ADK: variants seen among roughly 807,000 people sequenced by gnomAD.
The protein encoded by ADK is N6,N6-dimethyladenosine kinase.
ADK carries 24 observed loss-of-function variants against 44.7 expected under a neutral mutation model. That is an observed-to-expected ratio of 0.54 (90% CI 0.39 to 0.76). ADK has a LOEUF of 0.76. Among genes scored for constraint, ADK ranks in the 30% least tolerant of loss-of-function variants. ADK has a pLI of 0.00. For synonymous variants in ADK, 128 were observed against 142.6 expected (o/e 0.90, Z 0.73); for missense variants, 321 against 425.1 (o/e 0.76, Z 2.15).
At chr10:74,410,378 G>A (rs188590512) in intron 6 of ADK, among the ~76,000 whole-genome samples, 1 of 151,974 alleles carries the variant, frequency 6.6e-6, no homozygotes, top group South Asian at 2.1e-4. Flanking sequence ...TTTAAAAAAG[G>A]TAAGTATTAT....
intron 4 of ADK, among the ~76,000 whole-genome samples, chr10:74,341,779 T>G (rs991454039): frequency 1.3e-5 from 2 of 152,160 alleles, no homozygotes; most frequent in African/African-American, 4.8e-5. Flanking sequence ...AAAATTGTCT[T>G]GACAATTCAT....
chr10:74,209,082 C>T (rs563621783), intron 2 of ADK, among the ~76,000 whole-genome samples: 15 of 152,226 alleles, frequency 9.9e-5, no homozygotes, highest in African/African-American at 3.6e-4. Context: ...GTATCCTCTC[C>T]AAAAATTCAT....
chr10:74,215,103 A>C lies in ADK; in HGVS notation c.141-9435A>C, dbSNP rs192553346. Among the ~76,000 whole-genome samples the C allele has an allele frequency of 3.4e-4, 52 of 151,962 alleles. No individual in the cohort carries two copies. In the East Asian group the frequency reaches 8.5e-3, roughly 25 times the overall value. On this transcript the variant is annotated intron_variant, in intron 2 of 10. Transcript: ENST00000539909. Reference sequence around the variant, plus strand: ...TGCTTCCCCGTCTTCTATTCTTTGGAGTGTATGTCATTTTTCTCCAGTAAT... The same window carrying C: ...TGCTTCCCCGTCTTCTATTCTTTGGCGTGTATGTCATTTTTCTCCAGTAAT...
chr10:74,479,284 C>T (rs543060173), intron 6 of ADK, among the ~76,000 whole-genome samples: 10 of 152,190 alleles, frequency 6.6e-5, no homozygotes, highest in African/African-American at 1.7e-4. Context: ...CATGACCCAT[C>T]GTGCCCAGCC....
intron 4 of ADK, among the ~76,000 whole-genome samples, chr10:74,384,743 C>A (rs1466617857): frequency 2.0e-5 from 3 of 151,944 alleles, no homozygotes; most frequent in Non-Finnish European, 4.4e-5. Context: ...GTAAGTGAAA[C>A]CTGAAACCTA....
intron 4 of ADK, among the ~76,000 whole-genome samples, chr10:74,330,447 A>T (rs905172168): frequency 2.0e-5 from 3 of 152,166 alleles, no homozygotes; most frequent in Non-Finnish European, 4.4e-5. Context: ...TTTTTAAAGC[A>T]TGTTCACAAG....
chr10:74,627,037 C>T (rs1224415420), intron 9 of ADK, among the ~76,000 whole-genome samples: 6 of 152,124 alleles, frequency 3.9e-5, no homozygotes, highest in Non-Finnish European at 5.9e-5. Context: ...ATCTACATTG[C>T]TATTTGTTAT....
chr10:74,578,691 G>GA (rs1292796216), intron 7 of ADK, among the ~76,000 whole-genome samples: 1 of 151,096 alleles, frequency 6.6e-6, no homozygotes, highest in Admixed American at 6.6e-5. Flanking sequence ...GAGGACCAGG[G>GA]AAAAAAAAGT....
intron 3 of ADK, among the ~76,000 whole-genome samples, chr10:74,266,120 T>TAGA (rs1276525944): frequency 1.3e-5 from 2 of 152,086 alleles, no homozygotes; most frequent in Admixed American, 6.6e-5. Flanking sequence ...AAAACAGCAA[T>TAGA]AGAAGAAGAC....
intron 1 of ADK, among the ~76,000 whole-genome samples, chr10:74,160,249 C>T (rs1159855832): frequency 6.6e-6 from 1 of 152,132 alleles, no homozygotes; most frequent in Admixed American, 6.6e-5. Flanking sequence ...ACGGCAACAC[C>T]CAGAAGTTAG....
chr10:74,200,902 C>G, intron 2 of ADK, 64 bp downstream of exon 2: 1 of 1,136,014 alleles, frequency 8.8e-7, no homozygotes, highest in Admixed American at 1.8e-5. Context: ...TGGATGAAAA[C>G]TTTAGAAGTG....
intron 6 of ADK, among the ~76,000 whole-genome samples, chr10:74,415,763 C>A (rs951613444): frequency 6.6e-6 from 1 of 151,958 alleles, no homozygotes; most frequent in Non-Finnish European, 1.5e-5. Flanking sequence ...CTCCATACCC[C>A]CTGGATTTAA....
chr10:74,257,113 A>G (rs916037190), intron 3 of ADK, among the ~76,000 whole-genome samples: 1 of 152,224 alleles, frequency 6.6e-6, no homozygotes, highest in African/African-American at 2.4e-5. Context: ...CTGCAATTTT[A>G]TAGGTTACTG....
chr10:74,371,181 G>T (rs1842646265), intron 4 of ADK, among the ~76,000 whole-genome samples: 1 of 152,186 alleles, frequency 6.6e-6, no homozygotes, highest in Non-Finnish European at 1.5e-5. Context: ...ATCAGTCTAG[G>T]ATTGGAAGGA....
chr10:74,305,845 A>G (rs939902555), intron 3 of ADK, among the ~76,000 whole-genome samples: 1 of 151,816 alleles, frequency 6.6e-6, no homozygotes, highest in Admixed American at 6.6e-5. Context: ...TCCTGCCTCA[A>G]CCTCCTGAGT....
At chr10:74,274,916 T>C (rs1325337917) in intron 3 of ADK, among the ~76,000 whole-genome samples, 2 of 151,656 alleles carry the variant, frequency 1.3e-5, no homozygotes. Flanking sequence ...TTTGATATGG[T>C]ACTCAGAGAA....
At chr10:74,179,241 A>G (rs1302546576) in intron 1 of ADK, among the ~76,000 whole-genome samples, 4 of 152,178 alleles carry the variant, frequency 2.6e-5, no homozygotes, top group Non-Finnish European at 4.4e-5. Context: ...CACTACATTT[A>G]ATACAATTAT....
At chr10:74,341,031 A>G (rs1274048209) in intron 4 of ADK, among the ~76,000 whole-genome samples, 1 of 152,202 alleles carries the variant, frequency 6.6e-6, no homozygotes, top group Non-Finnish European at 1.5e-5. Flanking sequence ...TCAGAAACTT[A>G]GAGTGAAATC....
intron 6 of ADK, among the ~76,000 whole-genome samples, chr10:74,475,594 C>T (rs1031562111): frequency 5.3e-5 from 8 of 151,832 alleles, no homozygotes; most frequent in Non-Finnish European, 1.2e-4. Flanking sequence ...TGAGACCTAG[C>T]TACTTGGGAG....
Sources: allele counts gnomAD v4.1 joint callset (sites outside exome capture counted in the v4.1 genomes callset), GRCh38; gene constraint gnomAD v4.1.1; transcripts MANE v1.5; gene names NCBI Gene and HGNC (gene_info 2026-07-23, HGNC 2026-07-21).